The following COL25A1 variants were observed in gnomAD, a reference collection of about 807,000 sequenced individuals.
The protein encoded by COL25A1 is collagen alpha-1(XXV) chain.
COL25A1 carries 103 observed loss-of-function variants against 128.4 expected under a neutral mutation model. The observed-to-expected ratio is 0.80, with a 90% CI of 0.68 to 0.94. The LOEUF (loss-of-function observed/expected upper bound fraction) is 0.94, where lower values mean the gene tolerates loss of function less well. Ranked by LOEUF, COL25A1 falls within the 40% of genes least tolerant of loss-of-function variation. COL25A1 has a pLI of 0.00. For synonymous variants in COL25A1, 279 were observed against 277.2 expected, an observed-to-expected ratio of 1.01 and a Z score of -0.06; for missense variants, 745 against 840.0, an observed-to-expected ratio of 0.89 and a Z score of 1.40.
rs1160999194 is a variant in COL25A1 at position 109,225,214 on chromosome 4, A to G, written c.367+75369T>C. On this transcript the variant is annotated intron_variant, in intron 3 of 37. Transcript: ENST00000399132. ...TCCACAAAGAACTCTTTTCAGTAAA[A>G]TATTTGCAAAGTGTGCACCTGACAA... Among the ~76,000 whole-genome samples the G allele has an allele frequency of 2.0e-5, 3 of 152,188 alleles. No individual in the cohort carries two copies. In the South Asian group the frequency reaches 6.2e-4, roughly 32 times the overall value.
intron 3 of COL25A1, among the ~76,000 whole-genome samples, chr4:109,285,057 C>A (rs1033821555): frequency 6.6e-6 from 1 of 152,172 alleles, no homozygotes; most frequent in East Asian, 1.9e-4. Context: ...CTTGCATACA[C>A]CTGTCAGGCC....
At chr4:109,247,656 A>G (rs1007382611) in intron 3 of COL25A1, among the ~76,000 whole-genome samples, 1 of 152,212 alleles carries the variant, frequency 6.6e-6, no homozygotes. Context: ...GAGGAGGAGC[A>G]TATTTAGCAG....
intron 3 of COL25A1, among the ~76,000 whole-genome samples, chr4:109,169,019 A>G (rs1231439199): frequency 2.0e-5 from 3 of 152,098 alleles, no homozygotes; most frequent in Admixed American, 2.0e-4. Context: ...CCCATTAAAA[A>G]TCTGATAATG....
intron 8 of COL25A1, chr4:108,942,388 T>C (rs1748220503): frequency 1.2e-6 from 1 of 854,588 alleles, no homozygotes; most frequent in Middle Eastern, 2.2e-4. Flanking sequence ...TTAGAAGTCT[T>C]GCCTCATCTG....
At chr4:108,891,246 T>C (rs1282869523) in intron 16 of COL25A1, among the ~76,000 whole-genome samples, 1 of 152,192 alleles carries the variant, frequency 6.6e-6, no homozygotes, top group African/African-American at 2.4e-5. Context: ...AATAGCAAAT[T>C]AGCTTGTTAA....
chr4:108,888,036 A>C (rs1741030525), intron 18 of COL25A1, among the ~76,000 whole-genome samples: 1 of 152,162 alleles, frequency 6.6e-6, no homozygotes, highest in Admixed American at 6.5e-5. Context: ...ATTATAAAAT[A>C]AATAGTAAAT....
chr4:108,900,706 G>C (rs773260809), intron 14 of COL25A1, among the ~76,000 whole-genome samples: 1 of 152,054 alleles, frequency 6.6e-6, no homozygotes, highest in Non-Finnish European at 1.5e-5. Context: ...GTAAGAGCTG[G>C]AGGTGGCCAA....
intron 5 of COL25A1, among the ~76,000 whole-genome samples, chr4:109,011,692 C>A (rs969753429): frequency 3.0e-4 from 45 of 152,200 alleles, no homozygotes; most frequent in African/African-American, 1.1e-3. Context: ...AAACCCAAAT[C>A]TGATTTTAAG....
chr4:109,081,447 C>A (rs375799833), intron 3 of COL25A1, among the ~76,000 whole-genome samples: 1 of 152,022 alleles, frequency 6.6e-6, no homozygotes, highest in African/African-American at 2.4e-5. Context: ...ACTATTTTTT[C>A]GGAAACTGAT....
At chr4:109,098,257 T>C (rs1056300676) in intron 3 of COL25A1, among the ~76,000 whole-genome samples, 2 of 152,166 alleles carry the variant, frequency 1.3e-5, no homozygotes, top group African/African-American at 2.4e-5. Flanking sequence ...CCATACTGTC[T>C]TGTGGAAGTG....
intron 3 of COL25A1, among the ~76,000 whole-genome samples, chr4:109,208,605 T>A (rs1777225043): frequency 6.6e-6 from 1 of 152,080 alleles, no homozygotes; most frequent in Non-Finnish European, 1.5e-5. Flanking sequence ...ATATACTGTT[T>A]TATAAAAAAG....
chr4:108,874,394 G>A (rs371932569), intron 19 of COL25A1, among the ~76,000 whole-genome samples: 2 of 152,144 alleles, frequency 1.3e-5, no homozygotes, highest in East Asian at 1.9e-4. Context: ...AAGTGACGGA[G>A]GAAACTGGAA....
intron 3 of COL25A1, among the ~76,000 whole-genome samples, chr4:109,209,640 A>T (rs1043285883): frequency 6.6e-6 from 1 of 152,154 alleles, no homozygotes; most frequent in African/African-American, 2.4e-5. Context: ...GTAAATAATT[A>T]TTATCTTTGA....
At chr4:109,274,023 G>A (rs753077848) in intron 3 of COL25A1, among the ~76,000 whole-genome samples, 30 of 152,174 alleles carry the variant, frequency 2.0e-4, no homozygotes, top group Non-Finnish European at 3.2e-4. Flanking sequence ...AATGGGTATA[G>A]GTGGCAAAAA....
chr4:109,127,941 CAG>C (rs1035233894), intron 3 of COL25A1, among the ~76,000 whole-genome samples: 2 of 151,986 alleles, frequency 1.3e-5, no homozygotes, highest in Admixed American at 6.6e-5. Flanking sequence ...TGAGAAATGA[CAG>C]AGTTATTCTT....
intron 23 of COL25A1, 105 bp downstream of exon 23, chr4:108,860,822 A>G (rs1737116213): frequency 1.1e-6 from 1 of 933,074 alleles, no homozygotes; most frequent in African/African-American, 1.7e-5. Context: ...CAATACTATT[A>G]TTAAGTATTA....
At chr4:109,077,813 T>C (rs576175904) in intron 3 of COL25A1, among the ~76,000 whole-genome samples, 1 of 152,192 alleles carries the variant, frequency 6.6e-6, no homozygotes, top group South Asian at 2.1e-4. Context: ...GAAAGTAAAA[T>C]TTCTCCACAA....
intron 3 of COL25A1, among the ~76,000 whole-genome samples, chr4:109,087,251 A>G (rs1224889765): frequency 6.6e-6 from 1 of 152,142 alleles, no homozygotes; most frequent in African/African-American, 2.4e-5. Context: ...TGAAAAAAAA[A>G]AAATCAAAAC....
intron 8 of COL25A1, among the ~76,000 whole-genome samples, chr4:108,951,543 G>A (rs138057768): frequency 7.9e-5 from 12 of 151,840 alleles, no homozygotes; most frequent in South Asian, 2.1e-4. Flanking sequence ...CCACCACCAC[G>A]CCCGGCAAAT....
Sources: allele counts gnomAD v4.1 joint callset (sites outside exome capture counted in the v4.1 genomes callset), GRCh38; gene constraint gnomAD v4.1.1; transcripts MANE v1.5; gene names NCBI Gene and HGNC (gene_info 2026-07-23, HGNC 2026-07-21).